STAG1: variants seen among roughly 807,000 people sequenced by gnomAD.
STAG1 encodes STAG1 cohesin complex component.
A neutral mutation model predicts 170.9 loss-of-function variants in STAG1; 26 were observed. That is an observed-to-expected ratio of 0.15 (90% confidence interval 0.11 to 0.21). The LOEUF is 0.21. Ranked by LOEUF, STAG1 falls within the 10% of genes least tolerant of loss-of-function variation. The pLI is 1.00. For synonymous variants in STAG1, 514 were observed against 497.7 expected (o/e 1.03, Z -0.44); for missense variants, 964 against 1,509.5 (o/e 0.64, Z 5.99).
chr3:136,491,759 G>A (rs534449777), intron 9 of STAG1, among the ~76,000 whole-genome samples: 5 of 152,266 alleles, frequency 3.3e-5, no homozygotes, highest in East Asian at 1.9e-4. Flanking sequence ...TTGGGAGCCC[G>A]AGGCAGGAAG....
intron 1 of STAG1, among the ~76,000 whole-genome samples, chr3:136,685,749 G>C (rs922865391): frequency 3.9e-5 from 6 of 152,094 alleles, no homozygotes; most frequent in Non-Finnish European, 8.8e-5. Flanking sequence ...GAAAAAGGCA[G>C]TAAAAAGATC....
At chr3:136,607,110 A>C (rs941516475) in intron 3 of STAG1, among the ~76,000 whole-genome samples, 6 of 151,992 alleles carry the variant, frequency 3.9e-5, no homozygotes, top group Non-Finnish European at 8.8e-5. Flanking sequence ...TAATTAATCA[A>C]TGTTGATATT....
At chr3:136,455,221 C>A (rs1559811720) in intron 13 of STAG1, among the ~76,000 whole-genome samples, 3 of 152,128 alleles carry the variant, frequency 2.0e-5, no homozygotes, top group Non-Finnish European at 4.4e-5. Context: ...CATCACTCCC[C>A]CTACCAAGAT....
chr3:136,568,337 T>C (rs999720626), intron 5 of STAG1, among the ~76,000 whole-genome samples: 2 of 152,302 alleles, frequency 1.3e-5, no homozygotes, highest in Admixed American at 6.5e-5. Context: ...CTGCTACTTG[T>C]GTTACTTTAA....
At chr3:136,633,723 G>A (rs1433834036) in intron 1 of STAG1, among the ~76,000 whole-genome samples, 1 of 103,360 alleles carries the variant, frequency 9.7e-6, no homozygotes, top group Non-Finnish European at 2.0e-5. Flanking sequence ...GGGGGGGGGG[G>A]GTCAGGGGCA....
At chr3:136,523,314 G>A (rs769735062) in intron 6 of STAG1, among the ~76,000 whole-genome samples, 6 of 152,024 alleles carry the variant, frequency 3.9e-5, no homozygotes, top group Admixed American at 6.6e-5. Flanking sequence ...TTTCTCTGAC[G>A]GCCAGAGATA....
intron 13 of STAG1, among the ~76,000 whole-genome samples, chr3:136,461,292 A>G (rs772974431): frequency 6.6e-6 from 1 of 152,216 alleles, no homozygotes; most frequent in Non-Finnish European, 1.5e-5. Context: ...AACTTTCACC[A>G]CTTTTATACA....
chr3:136,419,919 A>G (rs1394110085), intron 20 of STAG1, among the ~76,000 whole-genome samples: 1 of 152,172 alleles, frequency 6.6e-6, no homozygotes, highest in African/African-American at 2.4e-5. Context: ...AGTGATAGCT[A>G]AATCATTACA....
intron 1 of STAG1, among the ~76,000 whole-genome samples, chr3:136,655,463 T>TA (rs968602065): frequency 5.3e-5 from 8 of 152,078 alleles, no homozygotes; most frequent in African/African-American, 1.9e-4. Context: ...ATGGCTATAA[T>TA]AAAAAAATCC....
chr3:136,749,966 G>C (rs1054895038), intron 1 of STAG1, among the ~76,000 whole-genome samples: 8 of 150,462 alleles, frequency 5.3e-5, no homozygotes, highest in Non-Finnish European at 1.2e-4. Flanking sequence ...AAAGATACAG[G>C]ACAAAACAAC....
chr3:136,727,372 T>A (rs1303957525), intron 1 of STAG1, among the ~76,000 whole-genome samples: 2 of 152,126 alleles, frequency 1.3e-5, no homozygotes, highest in African/African-American at 4.8e-5. Context: ...AAAGCCCTCA[T>A]CTGTAAAAAC....
intron 22 of STAG1, among the ~76,000 whole-genome samples, chr3:136,388,408 G>A (rs1323381240): frequency 2.0e-5 from 3 of 152,122 alleles, no homozygotes; most frequent in Non-Finnish European, 4.4e-5. Flanking sequence ...TCGCTCTGTT[G>A]CCCAGGCTGG....
In STAG1 at chr3:136,498,210, T is replaced by TTATATATATATATATATATATA. The variant is rs374645920; in HGVS notation, c.902+1991_902+2012dup. Among the ~76,000 whole-genome samples the TTATATATATATATATATATATA allele has an allele frequency of 2.6e-3, 132 of 50,750 alleles. 3 individuals carry two copies. Among genetic ancestry groups the TTATATATATATATATATATATA allele is most frequent in the South Asian group, 3.9e-3 (6 of 1,526 alleles). The allele number at this position is 50,750 out of a possible 152,430, so 33.3% of individuals were successfully genotyped here. A position where few individuals can be genotyped will look rare whatever the true frequency, so the allele number is the denominator to read the frequency against. On this transcript the variant is annotated intron_variant, in intron 9 of 33. Transcript: ENST00000383202. The stretch of plus-strand genomic sequence containing the variant: ...TCCATCTTAAAAAAAAAAAAAAAAA[T>TTATATATATATATATATATATA]TATATATATATATATATATATATAC...
At chr3:136,345,926 C>G (rs1335092794) in intron 29 of STAG1, among the ~76,000 whole-genome samples, 1 of 152,186 alleles carries the variant, frequency 6.6e-6, no homozygotes, top group Non-Finnish European at 1.5e-5. Context: ...AACAAAGACA[C>G]ATTTCATCAT....
Position 136,430,806 on chromosome 3 carries a change from GACACACACAC to G in STAG1, c.1650+2740_1650+2749del, listed in dbSNP as rs35492621. 8.5e-3 allele frequency among the ~76,000 whole-genome samples: 1,118 copies of G among 131,142 alleles called. 13 individuals are homozygous for G. Among genetic ancestry groups the G allele is most frequent in the African/African-American group, 0.024 (838 of 34,816 alleles). 86.0% of individuals were successfully genotyped at this position (131,142 alleles called of 152,430 possible). A position where few individuals can be genotyped will look rare whatever the true frequency, so the allele number is the denominator to read the frequency against. ...TAAGAGAAGGAAACAGACATAGACAGACACACACACACACACACACACACACACACACACA... is the reference window on the plus strand; with the variant it reads ...TAAGAGAAGGAAACAGACATAGACAGACACACACACACACACACACACACA... On this transcript the variant is annotated intron_variant, in intron 16 of 33. Transcript: ENST00000383202.
At chr3:136,491,817 A>G (rs1440514408) in intron 9 of STAG1, among the ~76,000 whole-genome samples, 1 of 152,052 alleles carries the variant, frequency 6.6e-6, no homozygotes, top group Non-Finnish European at 1.5e-5. Flanking sequence ...ACATGGTGAA[A>G]CCCTGTCTCT....
intron 1 of STAG1, among the ~76,000 whole-genome samples, chr3:136,667,290 A>C (rs148845680): frequency 6.6e-6 from 1 of 152,186 alleles, no homozygotes; most frequent in Non-Finnish European, 1.5e-5. Context: ...ACTCACACCT[A>C]TAATTCCAGC....
At position 136,630,994 on chromosome 3, in the gene STAG1, A is replaced by G. The variant is rs1237490717; in HGVS notation, c.-83-13T>C. ...CTCAAAGGCAATCCTGTCAATTAAA[A>G]AAAAGAAATTATTTTAAAATAAAAT... is the stretch of plus-strand genomic sequence containing the variant. On this transcript the variant is annotated splice_polypyrimidine_tract_variant and intron_variant, in intron 1 of 33. Coordinates refer to ENST00000383202, the MANE Select transcript of STAG1 (RefSeq NM_005862.3). 2 of 1,179,474 alleles carry G rather than the reference A, an allele frequency of 1.7e-6. No individual in the cohort carries two copies. The highest frequency in any genetic ancestry group is 2.4e-6 in the Non-Finnish European group (2 of 843,154). The allele number at this position is 1,179,474 out of a possible 1,614,324, so 73.1% of individuals were successfully genotyped here.
chr3:136,635,541 C>T (rs558837885), intron 1 of STAG1, among the ~76,000 whole-genome samples: 47 of 152,268 alleles, frequency 3.1e-4, no homozygotes, highest in African/African-American at 1.1e-3. Context: ...AAAGCTTTTC[C>T]GGTTAAACCA....
Sources: allele counts gnomAD v4.1 joint callset (sites outside exome capture counted in the v4.1 genomes callset), GRCh38; gene constraint gnomAD v4.1.1; transcripts MANE v1.5; gene names NCBI Gene and HGNC (gene_info 2026-07-23, HGNC 2026-07-21).